The following LDB2 variants were observed in gnomAD, a reference collection of about 807,000 sequenced individuals.
The protein encoded by LDB2 is LIM domain-binding protein 2.
In LDB2, 12 loss-of-function variants were observed where a neutral mutation model predicts 44.3. That is an observed-to-expected ratio of 0.27 (90% CI 0.17 to 0.44). LDB2 has a LOEUF of 0.44. Ranked by LOEUF, LDB2 falls within the 20% of genes least tolerant of loss-of-function variation. LDB2 has a pLI of 1.00. For synonymous variants in LDB2, 164 were observed against 174.8 expected, an observed-to-expected ratio of 0.94 and a Z score of 0.49; for missense variants, 344 against 473.5, an observed-to-expected ratio of 0.73 and a Z score of 2.54.
chr4:16,692,663 A>C (rs1039107427), intron 2 of LDB2, among the ~76,000 whole-genome samples: 3 of 152,216 alleles, frequency 2.0e-5, no homozygotes, highest in Admixed American at 6.5e-5. Context: ...ACACCCCCTC[A>C]AGCTGGTCAG....
chr4:16,541,955 T>C (rs1260496110), intron 5 of LDB2, among the ~76,000 whole-genome samples: 1 of 152,112 alleles, frequency 6.6e-6, no homozygotes, highest in African/African-American at 2.4e-5. Context: ...TTCCCAACTA[T>C]TTTATGCCTC....
At chr4:16,661,265 A>G (rs1291292550) in intron 2 of LDB2, among the ~76,000 whole-genome samples, 1 of 152,218 alleles carries the variant, frequency 6.6e-6, no homozygotes, top group Non-Finnish European at 1.5e-5. Flanking sequence ...TTTTGGCACA[A>G]AAAGACAGTC....
chr4:16,633,137 G>A (rs145639747), intron 2 of LDB2, among the ~76,000 whole-genome samples: 2,178 of 152,288 alleles, frequency 0.014, 30 homozygotes, highest in South Asian at 0.045. Context: ...GTCCTTTGCA[G>A]GGACATGGAT....
At chr4:16,822,357 T>A (rs1048799120) in intron 1 of LDB2, among the ~76,000 whole-genome samples, 1 of 152,124 alleles carries the variant, frequency 6.6e-6, no homozygotes, top group African/African-American at 2.4e-5. Flanking sequence ...AAAGAAAGCA[T>A]GTCAGCTAAC....
intron 1 of LDB2, among the ~76,000 whole-genome samples, chr4:16,852,389 T>C (rs1018731547): frequency 1.3e-5 from 2 of 152,312 alleles, no homozygotes; most frequent in East Asian, 3.9e-4. Context: ...TTTCCCTTCA[T>C]ACACATCTGC....
chr4:16,572,671 C>T (rs1746996292), intron 5 of LDB2, among the ~76,000 whole-genome samples: 5 of 151,984 alleles, frequency 3.3e-5, no homozygotes, highest in South Asian at 4.2e-4. Context: ...TAGACACTGA[C>T]CTGTCTGTAA....
intron 1 of LDB2, among the ~76,000 whole-genome samples, chr4:16,846,087 C>G (rs1786920438): frequency 6.8e-6 from 1 of 148,116 alleles, no homozygotes; most frequent in Non-Finnish European, 1.5e-5. Context: ...GCACTCCAGC[C>G]TGGGCGACAG....
chr4:16,837,832 T>C (rs1785147072), intron 1 of LDB2, among the ~76,000 whole-genome samples: 2 of 152,318 alleles, frequency 1.3e-5, no homozygotes, highest in African/African-American at 4.8e-5. Context: ...CACTAAACTT[T>C]GGTATGATAT....
At chr4:16,581,848 G>A (rs1310315703) in intron 5 of LDB2, among the ~76,000 whole-genome samples, 1 of 150,770 alleles carries the variant, frequency 6.6e-6, no homozygotes, top group Non-Finnish European at 1.5e-5. Context: ...CTGCAAAATA[G>A]GACTAAAAAT....
rs192802357 is a variant in LDB2, at chr4:16,852,573, C to T, written c.132+45781G>A. The stretch of plus-strand genomic sequence containing the variant: ...TGGTATGAATCATCAGAATATATAG[C>T]ATGAATAAGTTCAGAAGATAATATC... On this transcript the variant is annotated intron_variant, in intron 1 of 7. Coordinates refer to ENST00000304523, the MANE Select transcript of LDB2 (RefSeq NM_001290.5). Among the ~76,000 whole-genome samples, 505 of 152,276 alleles carry T rather than the reference C, an allele frequency of 3.3e-3. 4 individuals carry two copies. The highest frequency in any genetic ancestry group is 0.012 in the African/African-American group (486 of 41,558).
intron 2 of LDB2, among the ~76,000 whole-genome samples, chr4:16,618,650 C>T (rs764378951): frequency 8.5e-5 from 13 of 152,142 alleles, no homozygotes; most frequent in East Asian, 1.9e-4. Flanking sequence ...GAGGACAGTG[C>T]GGCCGATTCA....
chr4:16,580,887 T>A (rs1714108368), intron 5 of LDB2, among the ~76,000 whole-genome samples: 1 of 152,212 alleles, frequency 6.6e-6, no homozygotes, highest in African/African-American at 2.4e-5. Context: ...AAAATAGACA[T>A]CAATTACTTC....
At chr4:16,809,374 A>G (rs1051371654) in intron 1 of LDB2, among the ~76,000 whole-genome samples, 4 of 152,234 alleles carry the variant, frequency 2.6e-5, no homozygotes, top group Non-Finnish European at 5.9e-5. Context: ...AGTTCAACAA[A>G]CAGGTGTCAA....
Position 16,533,445 on chromosome 4 carries a change from C to A in LDB2, c.616-21341G>T, listed in dbSNP as rs571108484. ...TACAAGAAATCGCAAACTTCAGAGC[C>A]CTGGTTGCTGAGTTCCAAAGTGGAT... On this transcript the variant is annotated intron_variant, in intron 5 of 7. Coordinates refer to ENST00000304523, the MANE Select transcript of LDB2 (RefSeq NM_001290.5). The surrounding 1 kb of genome is among the most constrained non-coding windows in gnomAD (Gnocchi z 4.1). Among the ~76,000 whole-genome samples, 1 of 152,152 alleles carries A rather than the reference C, an allele frequency of 6.6e-6. No homozygotes were observed. The highest frequency in any genetic ancestry group is 2.4e-5 in the African/African-American group (1 of 41,434).
At chr4:16,596,588 C>T (rs1222264559) in intron 2 of LDB2, among the ~76,000 whole-genome samples, 1 of 152,104 alleles carries the variant, frequency 6.6e-6, no homozygotes, top group African/African-American at 2.4e-5. Context: ...AAAATAATTC[C>T]CATCTCCATA....
At chr4:16,620,594 A>G (rs1471111651) in intron 2 of LDB2, among the ~76,000 whole-genome samples, 1 of 152,178 alleles carries the variant, frequency 6.6e-6, no homozygotes, top group African/African-American at 2.4e-5. Flanking sequence ...CATTCACTCC[A>G]TCTGGGGAAT....
intron 1 of LDB2, among the ~76,000 whole-genome samples, chr4:16,803,176 T>A (rs1307281036): frequency 6.6e-6 from 1 of 152,204 alleles, no homozygotes; most frequent in Non-Finnish European, 1.5e-5. Flanking sequence ...GATTTAGAAC[T>A]CACTGACCCT....
chr4:16,611,761 A>T (rs1299175657), intron 2 of LDB2, among the ~76,000 whole-genome samples: 1 of 152,192 alleles, frequency 6.6e-6, no homozygotes, highest in Non-Finnish European at 1.5e-5. Context: ...ACACAATAAT[A>T]GTGGGAGACT....
intron 2 of LDB2, among the ~76,000 whole-genome samples, chr4:16,611,931 G>T (rs971372070): frequency 6.6e-6 from 1 of 151,978 alleles, no homozygotes; most frequent in Admixed American, 6.6e-5. Flanking sequence ...ATACCACATG[G>T]CACTTATCCT....
Sources: gnomAD v4.1 joint callset for allele counts (sites outside exome capture counted in the v4.1 genomes callset) on GRCh38, gnomAD v4.1.1 for gene constraint, Gnocchi (gnomAD v3.1) non-coding constraint, MANE v1.5 for transcripts, NCBI Gene and HGNC (gene_info 2026-07-23, HGNC 2026-07-21) for gene names.